UBE2D3: variants seen among roughly 807,000 people sequenced by gnomAD.
UBE2D3 encodes ubiquitin conjugating enzyme E2 D3.
In UBE2D3, 2 loss-of-function variants were observed where a neutral mutation model predicts 22.8. That is an observed-to-expected ratio of 0.09 (90% confidence interval 0.04 to 0.28). The LOEUF (loss-of-function observed/expected upper bound fraction) is 0.28. UBE2D3 is among the 10% of genes least tolerant of loss of function. UBE2D3 has a pLI of 1.00. For synonymous variants in UBE2D3, 56 were observed against 60.4 expected, an observed-to-expected ratio of 0.93 and a Z score of 0.34; for missense variants, 27 against 182.5, an observed-to-expected ratio of 0.15 and a Z score of 4.91.
upstream of UBE2D3, chr4:102,868,880 C>T (rs1439794280): frequency 1.3e-6 from 2 of 1,499,554 alleles, no homozygotes; most frequent in Non-Finnish European, 1.8e-6. Flanking sequence ...GTTCCCGCGC[C>T]TCGGCAGTCC....
chr4:102,828,088 A>G (rs892807744), upstream of UBE2D3: 1 of 985,414 alleles, frequency 1.0e-6, no homozygotes, highest in Non-Finnish European at 1.2e-6. Context: ...AGACGCAGTA[A>G]GGCACCGGCT....
At chr4:102,825,260 G>C (rs1730275697) in intron 2 of UBE2D3, 2 of 986,150 alleles carry the variant, frequency 2.0e-6, no homozygotes, top group South Asian at 9.2e-5. Flanking sequence ...AATTTTTCTA[G>C]TAAGGCTGAA....
intron 6 of UBE2D3, among the ~76,000 whole-genome samples, chr4:102,800,272 A>G (rs1725948224): frequency 2.0e-5 from 3 of 149,128 alleles, no homozygotes; most frequent in Admixed American, 1.3e-4. Context: ...ACACTGTCAC[A>G]TATTTATTGA....
chr4:102,816,433 ACTTT>A (rs1728788942), intron 2 of UBE2D3, among the ~76,000 whole-genome samples: 2 of 152,228 alleles, frequency 1.3e-5, no homozygotes, highest in Admixed American at 1.3e-4. Flanking sequence ...CAAAGAGCTG[ACTTT>A]CCATACAGAT....
upstream of UBE2D3, among the ~76,000 whole-genome samples, chr4:102,831,509 T>C (rs1342467911): frequency 2.0e-5 from 3 of 152,170 alleles, no homozygotes; most frequent in Non-Finnish European, 2.9e-5. Context: ...AACTCAAATG[T>C]CCATCAGCTG....
intron 1 of UBE2D3, among the ~76,000 whole-genome samples, chr4:102,855,362 A>G (rs76114013): frequency 0.031 from 4,703 of 152,300 alleles, 101 homozygotes; most frequent in Non-Finnish European, 0.037. Flanking sequence ...AACAAATTCT[A>G]CAACATGTAC....
intron 4 of UBE2D3, among the ~76,000 whole-genome samples, chr4:102,804,572 T>A (rs1056097311): frequency 1.3e-5 from 2 of 152,218 alleles, no homozygotes; most frequent in African/African-American, 4.8e-5. Context: ...TAATTTTGAA[T>A]AGATGCTTCA....
rs528630844 is a variant in UBE2D3, at chr4:102,799,307, T to C, written c.398+100A>G. On this transcript the variant is annotated intron_variant, in intron 7 of 7. Transcript: ENST00000453744. ...AGCTTTCTCCATATTTTAACTATTA[T>C]CTTACTAAATATCAAGTCTTCTTGG... is the stretch of plus-strand genomic sequence containing the variant. 1.8e-4 allele frequency: 158 copies of C among 899,826 alleles called. No individual in the cohort carries two copies. In the African/African-American group the frequency reaches 2.2e-3, roughly 12 times the overall value. 55.7% of individuals were successfully genotyped at this position (899,826 alleles called of 1,614,324 possible). A position where few individuals can be genotyped will look rare whatever the true frequency, so the allele number is the denominator to read the frequency against.
At chr4:102,828,306 C>T (rs778761596), upstream of UBE2D3, 665 of 979,614 alleles carry the variant, frequency 6.8e-4, no homozygotes, top group Admixed American at 1.5e-3. Flanking sequence ...TTTGAGGTTT[C>T]CGGTGGAGCA....
At chr4:102,848,215 T>A (rs1488236583) in intron 1 of UBE2D3, among the ~76,000 whole-genome samples, 4 of 152,064 alleles carry the variant, frequency 2.6e-5, no homozygotes, top group African/African-American at 9.7e-5. Flanking sequence ...GTAATCCTAA[T>A]ACAACTGCAA....
At chr4:102,801,981 C>CA (rs1186145510) in intron 5 of UBE2D3, 2 of 157,028 alleles carry the variant, frequency 1.3e-5, no homozygotes, top group Non-Finnish European at 2.8e-5. Flanking sequence ...ACTTGAATCA[C>CA]AAAAATGGAA....
intron 4 of UBE2D3, among the ~76,000 whole-genome samples, chr4:102,802,926 C>A (rs573887968): frequency 6.6e-6 from 1 of 152,124 alleles, no homozygotes; most frequent in Non-Finnish European, 1.5e-5. Context: ...AAGTACAACA[C>A]AGCAATAAAG....
chr4:102,806,845 C>T (rs1727129910), intron 4 of UBE2D3, among the ~76,000 whole-genome samples: 1 of 151,938 alleles, frequency 6.6e-6, no homozygotes, highest in Non-Finnish European at 1.5e-5. Context: ...CCCCCCTCCC[C>T]AAAAAAACCC....
chr4:102,800,452 A>C (rs949438464), intron 6 of UBE2D3, among the ~76,000 whole-genome samples: 2 of 152,080 alleles, frequency 1.3e-5, no homozygotes, highest in African/African-American at 2.4e-5. Flanking sequence ...TTTAACGACA[A>C]AACAATACCA....
At chr4:102,807,448 CCTT>C (rs1199997623) in intron 4 of UBE2D3, among the ~76,000 whole-genome samples, 3 of 152,118 alleles carry the variant, frequency 2.0e-5, no homozygotes, top group Non-Finnish European at 2.9e-5. Context: ...ATCTTTGACT[CCTT>C]CTTGAAATTT....
At chr4:102,842,562 A>C (rs1731814111) in intron 1 of UBE2D3, among the ~76,000 whole-genome samples, 1 of 152,028 alleles carries the variant, frequency 6.6e-6, no homozygotes. Context: ...AAAAAAAAAA[A>C]AACCTCGAGT....
At chr4:102,850,625 A>G (rs1026985522) in intron 1 of UBE2D3, among the ~76,000 whole-genome samples, 10 of 152,212 alleles carry the variant, frequency 6.6e-5, no homozygotes, top group African/African-American at 2.4e-4. Context: ...ACTCGGTCAG[A>G]CTTGTATCTA....
chr4:102,850,357 A>G (rs954697524), intron 1 of UBE2D3, among the ~76,000 whole-genome samples: 1 of 152,074 alleles, frequency 6.6e-6, no homozygotes, highest in African/African-American at 2.4e-5. Flanking sequence ...CTATATTTCA[A>G]TTTTTTAAAA....
chr4:102,865,631 C>CA (rs1228609542), intron 1 of UBE2D3, among the ~76,000 whole-genome samples: 9 of 151,920 alleles, frequency 5.9e-5, no homozygotes, highest in Non-Finnish European at 1.0e-4. Flanking sequence ...GCACAGTGGG[C>CA]AAAGATGTCA....
Sources: gnomAD v4.1 joint callset for allele counts (sites outside exome capture counted in the v4.1 genomes callset) on GRCh38, gnomAD v4.1.1 for gene constraint, MANE v1.5 for transcripts, NCBI Gene and HGNC (gene_info 2026-07-23, HGNC 2026-07-21) for gene names.